The following LARGE1 variants were observed in gnomAD, a reference collection of about 807,000 sequenced individuals.
The protein encoded by LARGE1 is LARGE xylosyl- and glucuronyltransferase 1.
LARGE1 carries 43 observed loss-of-function variants against 87.6 expected under a neutral mutation model. That is an observed-to-expected ratio of 0.49 (90% CI 0.38 to 0.63). The LOEUF is 0.63. Among genes scored for constraint, LARGE1 ranks in the 30% least tolerant of loss-of-function variants. The pLI, the probability that LARGE1 is intolerant of heterozygous loss-of-function variation, is 0.00. For missense variants in LARGE1, 802 were observed against 1,000.2 expected (o/e 0.80, Z 2.67); for synonymous variants, 434 against 394.6 (o/e 1.10, Z -1.18).
At chr22:33,166,788 G>A (rs766338178) in exon 12 of LARGE1, 2 of 471,588 alleles carry the variant, frequency 4.2e-6, no homozygotes, top group Non-Finnish European at 8.8e-6. Flanking sequence ...TGGAACTGTC[G>A]TCTTGCAGCT....
chr22:33,120,390 C>CTTTCTTTCTTTG, the LARGE1 span, among the ~76,000 whole-genome samples: 1 of 94,588 alleles, frequency 1.1e-5, no homozygotes, highest in Non-Finnish European at 2.0e-5. Context: ...TTCTTTCTTT[C>CTTTCTTTCTTTG]TTTCTTTCTT....
rs570861570 is a variant in LARGE1, at chr22:33,640,209, C to T, written c.408+10158G>A. On this transcript the variant is annotated intron_variant, in intron 3 of 14. Transcript: ENST00000397394. ...GCCTCTATGGCTTTTTCGTTAAAAT[C>T]CTTAAAGACACCAAATGAGGGAGTG... Among the ~76,000 whole-genome samples the T allele has an allele frequency of 1.1e-4, 16 of 152,210 alleles. 1 individual carries two copies. The South Asian group carries it at 3.1e-3, about 30-fold the overall frequency.
intron 7 of LARGE1, among the ~76,000 whole-genome samples, chr22:33,426,482 T>TA (rs2066884147): frequency 6.6e-6 from 1 of 152,222 alleles, no homozygotes; most frequent in South Asian, 2.1e-4. Flanking sequence ...TGAAGGGACT[T>TA]AGCCAGGGTC....
At chr22:33,594,868 AAGTGCTGGTATTACAGGCTTG>A (rs1264886893) in intron 5 of LARGE1, among the ~76,000 whole-genome samples, 1 of 152,114 alleles carries the variant, frequency 6.6e-6, no homozygotes, top group Non-Finnish European at 1.5e-5. Flanking sequence ...CAGCCTCCCA[AAGTGCTGGTATTACAGGCTTG>A]AGCCACCATA....
At chr22:33,644,146 A>G (rs946333708) in intron 3 of LARGE1, among the ~76,000 whole-genome samples, 2 of 152,176 alleles carry the variant, frequency 1.3e-5, no homozygotes, top group Non-Finnish European at 2.9e-5. Context: ...GATGAACATC[A>G]ATGTGAAAAT....
intron 1 of LARGE1, among the ~76,000 whole-genome samples, chr22:33,910,920 G>A (rs1195834686): frequency 6.6e-6 from 1 of 152,194 alleles, no homozygotes; most frequent in Non-Finnish European, 1.5e-5. Context: ...GGGCAAGGTC[G>A]GTCCTGGAAC....
At chr22:33,108,122 C>T in the LARGE1 span, among the ~76,000 whole-genome samples, 6,135 of 152,074 alleles carry the variant, frequency 0.04, 316 homozygotes, top group East Asian at 0.25. Context: ...ACATGTGTGC[C>T]GTTGTAACTA....
intron 2 of LARGE1, among the ~76,000 whole-genome samples, chr22:33,660,070 TTGTGTG>T (rs1160067357): frequency 4.3e-5 from 6 of 141,168 alleles, no homozygotes; most frequent in Admixed American, 2.1e-4. Flanking sequence ...AAATGTTTTG[TTGTGTG>T]TGTGTGTGTG....
chr22:33,888,664 T>A (rs1217171414), intron 1 of LARGE1, among the ~76,000 whole-genome samples: 1 of 152,074 alleles, frequency 6.6e-6, no homozygotes, highest in African/African-American at 2.4e-5. Context: ...GAAACCAGCC[T>A]GGGCAACATG....
At chr22:33,543,952 T>C (rs942516066) in intron 6 of LARGE1, among the ~76,000 whole-genome samples, 1 of 152,206 alleles carries the variant, frequency 6.6e-6, no homozygotes, top group Non-Finnish European at 1.5e-5. Context: ...CAAAATGGTT[T>C]ACCATAAACA....
At chr22:33,790,375 G>C (rs779046144) in intron 1 of LARGE1, among the ~76,000 whole-genome samples, 1 of 152,124 alleles carries the variant, frequency 6.6e-6, no homozygotes, top group Admixed American at 6.6e-5. Flanking sequence ...AATACACCTG[G>C]CATAGCAACT....
intron 7 of LARGE1, among the ~76,000 whole-genome samples, chr22:33,398,353 T>G (rs1238232798): frequency 2.6e-5 from 4 of 151,756 alleles, no homozygotes; most frequent in Non-Finnish European, 5.9e-5. Context: ...AAAAAAAAGG[T>G]CAAGGATCTA....
chr22:33,761,731 A>G (rs769383182), intron 1 of LARGE1, among the ~76,000 whole-genome samples, 173 bp from the exon 2 acceptor site: 30 of 150,918 alleles, frequency 2.0e-4, no homozygotes, highest in Non-Finnish European at 3.7e-4. Context: ...AAACTGAGAC[A>G]ATAAATAAAT....
chr22:33,519,340 C>T (rs1411314399), intron 6 of LARGE1, among the ~76,000 whole-genome samples: 1 of 152,086 alleles, frequency 6.6e-6, no homozygotes, highest in Non-Finnish European at 1.5e-5. Context: ...ACAGCCAAGG[C>T]ATAATTTCTG....
At chr22:33,873,467 G>A (rs899083605) in intron 1 of LARGE1, 6 of 152,378 alleles carry the variant, frequency 3.9e-5, no homozygotes, top group African/African-American at 1.4e-4. Context: ...TCGCTCCTGG[G>A]GCCTTCCGGG....
At chr22:33,464,879 A>G (rs998588382) in intron 6 of LARGE1, among the ~76,000 whole-genome samples, 2 of 115,566 alleles carry the variant, frequency 1.7e-5, no homozygotes, top group Non-Finnish European at 3.3e-5. Context: ...CACTGCACAC[A>G]CATGCACACA....
chr22:33,686,982 G>A (rs1441522246), intron 2 of LARGE1, among the ~76,000 whole-genome samples: 4 of 152,124 alleles, frequency 2.6e-5, no homozygotes, highest in African/African-American at 4.8e-5. Context: ...TGAGGCCCCC[G>A]ATCACGGATG....
At chr22:33,679,589 T>A (rs1369210134) in intron 2 of LARGE1, among the ~76,000 whole-genome samples, 1 of 152,018 alleles carries the variant, frequency 6.6e-6, no homozygotes, top group Non-Finnish European at 1.5e-5. Context: ...ACACCTGTAA[T>A]CCCAAACTTT....
chr22:33,567,223 T>G (rs2078054432), intron 5 of LARGE1, among the ~76,000 whole-genome samples: 1 of 151,946 alleles, frequency 6.6e-6, no homozygotes, highest in African/African-American at 2.4e-5. Flanking sequence ...TGTGGTTACT[T>G]AGTTTTTTTT....
Sources: gnomAD v4.1 joint callset for allele counts (sites outside exome capture counted in the v4.1 genomes callset) on GRCh38, gnomAD v4.1.1 for gene constraint, MANE v1.5 for transcripts, NCBI Gene and HGNC (gene_info 2026-07-23, HGNC 2026-07-21) for gene names.